Variants in DMC1 observed in about 807,000 individuals in gnomAD.
DMC1 encodes the protein DNA meiotic recombinase 1, also known as meiotic recombination protein DMC1 homolog.
A neutral mutation model predicts 50.1 loss-of-function variants in DMC1; 27 were observed. That is an observed-to-expected ratio of 0.54 (90% CI 0.40 to 0.74). DMC1 has a LOEUF of 0.74. DMC1 is among the 30% of genes least tolerant of loss of function. The pLI, the probability that DMC1 is intolerant of heterozygous loss-of-function variation, is 0.00. For synonymous variants in DMC1, 148 were observed against 136.1 expected, an observed-to-expected ratio of 1.09 and a Z score of -0.61; for missense variants, 295 against 420.2, an observed-to-expected ratio of 0.70 and a Z score of 2.60.
rs535046191 is a variant in DMC1, at chr22:38,569,475, C to T, written c.-34+568G>A. 3 of 152,312 alleles carry T rather than the reference C, an allele frequency of 2.0e-5. No individual in the cohort carries two copies. The South Asian group carries it at 6.2e-4, about 32-fold the overall frequency. 9.4% of individuals were successfully genotyped at this position (152,312 alleles called of 1,614,324 possible). On this transcript the variant is annotated intron_variant, in intron 1 of 13. Coordinates refer to ENST00000216024, the MANE Select transcript of DMC1 (RefSeq NM_007068.4). ...ACCTCAAACGGCAAAGGATGGAAGG[C>T]AACCGAGACCGTTCGGATGGGATCT...
At chr22:38,527,204 C>G (rs2090101255) in intron 12 of DMC1, among the ~76,000 whole-genome samples, 1 of 151,972 alleles carries the variant, frequency 6.6e-6, no homozygotes, top group Non-Finnish European at 1.5e-5. Context: ...ATCTCTCCTT[C>G]TTCTTTTATT....
At chr22:38,568,338 CCT>C in intron 1 of DMC1, 49 bp from the exon 2 acceptor site, 1 of 1,380,338 alleles carries the variant, frequency 7.2e-7, no homozygotes, top group Non-Finnish European at 1.0e-6. Flanking sequence ...TGTCCAGGGG[CCT>C]CTGATTTCAT....
intron 7 of DMC1, among the ~76,000 whole-genome samples, chr22:38,551,296 A>G (rs936768165): frequency 2.0e-5 from 3 of 151,822 alleles, no homozygotes; most frequent in African/African-American, 7.3e-5. Flanking sequence ...CTAATATGTT[A>G]CCTTTAAATT....
intron 11 of DMC1, 136 bp downstream of exon 11, chr22:38,538,159 A>C (rs11570426): frequency 0.036 from 26,954 of 744,170 alleles, 811 homozygotes; most frequent in Admixed American, 0.1. Context: ...ACAAAAAAAA[A>C]ACAAAGAGTT....
rs1057154743 is a variant in DMC1, at chr22:38,519,846, G to C, written c.*174C>G. On this transcript the variant is annotated 3_prime_UTR_variant, in exon 14 of 14. Transcript: ENST00000216024. ...TCCCTGAATTTACATACAATGTATA[G>C]TTATCATAAATCAGGGACTTTTAAG... 8.3e-6 allele frequency: 5 copies of C among 599,500 alleles called. No individual in the cohort carries two copies. The highest frequency in any genetic ancestry group is 1.5e-5 in the Non-Finnish European group (5 of 327,372). The allele number at this position is 599,500 out of a possible 1,614,324, so 37.1% of individuals were successfully genotyped here.
intron 5 of DMC1, 82 bp downstream of exon 5, chr22:38,562,205 A>G (rs1036369613): frequency 1.9e-5 from 18 of 938,654 alleles, no homozygotes; most frequent in Middle Eastern, 4.9e-4. Flanking sequence ...TACTACTTAT[A>G]GTAGAAGTAA....
At chr22:38,513,437 A>G in the DMC1 span, among the ~76,000 whole-genome samples, 1 of 152,216 alleles carries the variant, frequency 6.6e-6, no homozygotes, top group African/African-American at 2.4e-5. Context: ...GAAAATGTGA[A>G]ACATTTGCCC....
At chr22:38,548,913 T>C (rs2090373904) in intron 8 of DMC1, among the ~76,000 whole-genome samples, 1 of 152,204 alleles carries the variant, frequency 6.6e-6, no homozygotes, top group South Asian at 2.1e-4. Context: ...AAGCATGATC[T>C]TTCCAGTTCT....
chr22:38,534,919 T>C (rs1483486660), intron 12 of DMC1, among the ~76,000 whole-genome samples: 2 of 151,618 alleles, frequency 1.3e-5, no homozygotes, highest in Admixed American at 6.6e-5. Flanking sequence ...GGCAGGAGAA[T>C]TGCTTGAACC....
At chr22:38,569,037 A>C (rs1357776875) in intron 1 of DMC1, among the ~76,000 whole-genome samples, 6 of 151,998 alleles carry the variant, frequency 3.9e-5, no homozygotes, top group Non-Finnish European at 8.8e-5. Context: ...CAAAAAAATT[A>C]GCCGGGCGTG....
chr22:38,540,429 T>C (rs1215883741), intron 8 of DMC1, among the ~76,000 whole-genome samples: 2 of 152,224 alleles, frequency 1.3e-5, no homozygotes, highest in African/African-American at 4.8e-5. Context: ...AAGAAGCTAA[T>C]AATCACTTAT....
At chr22:38,532,188 T>G (rs375361245) in intron 12 of DMC1, among the ~76,000 whole-genome samples, 3 of 152,212 alleles carry the variant, frequency 2.0e-5, no homozygotes, top group Non-Finnish European at 4.4e-5. Context: ...AAGCACTTCA[T>G]GTCCTGTGTA....
At chr22:38,513,371 A>T in the DMC1 span, among the ~76,000 whole-genome samples, 5 of 152,144 alleles carry the variant, frequency 3.3e-5, no homozygotes, top group Non-Finnish European at 7.4e-5. Context: ...GGGAGAGGTG[A>T]CTCTTTGAAA....
intron 3 of DMC1, 27 bp from the exon 4 acceptor site, chr22:38,566,763 G>T: frequency 6.2e-7 from 1 of 1,611,140 alleles, no homozygotes; most frequent in South Asian, 1.1e-5. Flanking sequence ...GGGCACAGCA[G>T]ACTGATAAGA....
the DMC1 span, among the ~76,000 whole-genome samples, chr22:38,513,352 C>G: frequency 6.6e-6 from 1 of 152,138 alleles, no homozygotes; most frequent in Non-Finnish European, 1.5e-5. Flanking sequence ...GGATGCACTA[C>G]CTGAATTGGG....
At position 38,567,815 on chromosome 22, in the gene DMC1, G is replaced by A. The variant is rs1354452942; in HGVS notation, c.52-188C>T. Among the ~76,000 whole-genome samples, 5 of 152,310 alleles carry A rather than the reference G, an allele frequency of 3.3e-5. 1 individual carries two copies. In the South Asian group the frequency reaches 1.0e-3, roughly 32 times the overall value. On this transcript the variant is annotated intron_variant, in intron 2 of 13. Coordinates refer to ENST00000216024, the MANE Select transcript of DMC1 (RefSeq NM_007068.4). ...GAAGCACCAACATTGAAAGGGCTGG[G>A]AAGCCAGTTACCTTTGTCATGTCCT...
At chr22:38,546,457 G>A (rs368723912) in intron 8 of DMC1, among the ~76,000 whole-genome samples, 26 of 151,870 alleles carry the variant, frequency 1.7e-4, no homozygotes, top group African/African-American at 6.3e-4. Flanking sequence ...TTCCCTCTCT[G>A]AGATAAGAAT....
At chr22:38,525,087 T>A (rs977768803) in intron 12 of DMC1, among the ~76,000 whole-genome samples, 1 of 152,028 alleles carries the variant, frequency 6.6e-6, no homozygotes, top group African/African-American at 2.4e-5. Context: ...ATTAATTAAT[T>A]AATTAAGCAC....
chr22:38,552,733 T>G, intron 6 of DMC1, 26 bp from the exon 7 acceptor site: 1 of 1,462,894 alleles, frequency 6.8e-7, no homozygotes, highest in South Asian at 1.1e-5. Context: ...AAAAATGATT[T>G]TAAAAATGCA....
Sources: allele counts gnomAD v4.1 joint callset (sites outside exome capture counted in the v4.1 genomes callset), GRCh38; gene constraint gnomAD v4.1.1; transcripts MANE v1.5; gene names NCBI Gene and HGNC (gene_info 2026-07-23, HGNC 2026-07-21).